The following SCARA5 variants were observed in gnomAD, a reference collection of about 807,000 sequenced individuals.
SCARA5 encodes scavenger receptor class A, member 5 (putative).
SCARA5 carries 45 observed loss-of-function variants against 46.3 expected under a neutral mutation model. The ratio of observed to expected loss-of-function variants is 0.97; its 90% CI spans 0.76 to 1.24. The LOEUF (loss-of-function observed/expected upper bound fraction) is 1.24, where lower values mean the gene tolerates loss of function less well. SCARA5 is among the 50% of genes most tolerant of loss of function. SCARA5 has a pLI of 0.00. For synonymous variants in SCARA5, 333 were observed against 306.5 expected, an observed-to-expected ratio of 1.09 and a Z score of -0.90; for missense variants, 680 against 689.0, an observed-to-expected ratio of 0.99 and a Z score of 0.15.
intron 3 of SCARA5, among the ~76,000 whole-genome samples, chr8:27,933,677 T>C (rs1271920023): frequency 1.2e-4 from 18 of 152,214 alleles, no homozygotes; most frequent in Admixed American, 1.2e-3. Context: ...AAAATGTCCA[T>C]GTTTTTTGAC....
In SCARA5 at chr8:27,911,799, C is replaced by T. The variant is rs149483942; in HGVS notation, c.917-2056G>A. Among the ~76,000 whole-genome samples, 140 of 152,288 alleles carry T rather than the reference C, an allele frequency of 9.2e-4. 2 individuals carry two copies. The East Asian group carries it at 0.022, about 24-fold the overall frequency. ...GTCTACCAGGAACCTCAGAATATGA[C>T]TTTATTTGGAAATAGTGTCTTTGCA... On this transcript the variant is annotated intron_variant, in intron 4 of 8. Transcript: ENST00000354914.
intron 7 of SCARA5, among the ~76,000 whole-genome samples, chr8:27,900,446 C>G (rs567147196): frequency 2.6e-5 from 4 of 152,322 alleles, no homozygotes; most frequent in South Asian, 4.1e-4. Context: ...CACAGCTCCC[C>G]TCGTCCCCAG....
chr8:27,949,587 C>T (rs1442459063), intron 3 of SCARA5, among the ~76,000 whole-genome samples: 1 of 152,214 alleles, frequency 6.6e-6, no homozygotes, highest in Non-Finnish European at 1.5e-5. Context: ...GCCACTGTTG[C>T]CGCATAACTC....
At chr8:27,896,897 G>A (rs1016404465) in intron 7 of SCARA5, among the ~76,000 whole-genome samples, 1 of 152,254 alleles carries the variant, frequency 6.6e-6, no homozygotes, top group East Asian at 1.9e-4. Flanking sequence ...TTCGAGACCA[G>A]CCTGACCAAC....
intron 8 of SCARA5, 62 bp from the exon 9 acceptor site, chr8:27,872,132 G>T: frequency 6.3e-7 from 1 of 1,575,394 alleles, no homozygotes; most frequent in Non-Finnish European, 8.7e-7. Flanking sequence ...GGAGAAGAGA[G>T]AGCATAACTG....
intron 1 of SCARA5, among the ~76,000 whole-genome samples, chr8:27,991,059 C>G (rs1446695459): frequency 6.6e-6 from 1 of 152,262 alleles, no homozygotes; most frequent in African/African-American, 2.4e-5. Flanking sequence ...CATCTGCGCC[C>G]TGCAGGCCTG....
chr8:27,871,934 TCA>T lies in SCARA5; in HGVS notation c.1486_1487del (p.Ter496LysfsTer58). On this transcript the variant is annotated frameshift_variant and stop_lost, in exon 9 of 9. Coordinates refer to ENST00000354914, the MANE Select transcript of SCARA5 (RefSeq NM_173833.6). LOFTEE classifies it high-confidence loss of function. The stretch of plus-strand genomic sequence containing the variant: ...CCCCGAACTTGGGCTCTGCCCACTT[TCA>T]GTGTCTGTTGCATGTCACGCTGGCA... ...EDASVTCNRH* is the reference protein window; with the variant it reads ...EDASVTCNRHX The T allele has an allele frequency of 6.2e-7, 1 of 1,614,134 alleles. No homozygotes were observed. Among genetic ancestry groups the T allele is most frequent in the Non-Finnish European group, 8.5e-7 (1 of 1,180,040 alleles).
intron 2 of SCARA5, among the ~76,000 whole-genome samples, chr8:27,977,540 G>A (rs4732795): frequency 0.02 from 3,039 of 152,216 alleles, 56 homozygotes; most frequent in Admixed American, 0.066. Context: ...TTCCCATGAG[G>A]ACTTTTCTTT....
chr8:27,963,782 G>A (rs1665194600), intron 3 of SCARA5, among the ~76,000 whole-genome samples: 1 of 152,100 alleles, frequency 6.6e-6, no homozygotes. Context: ...TTTCATACTG[G>A]GAAACAGTAA....
chr8:27,958,921 C>T (rs1313695692), intron 3 of SCARA5, among the ~76,000 whole-genome samples: 1 of 152,160 alleles, frequency 6.6e-6, no homozygotes, highest in Admixed American at 6.5e-5. Context: ...TCGTGTATCA[C>T]TATGAGTGTC....
intron 3 of SCARA5, among the ~76,000 whole-genome samples, chr8:27,936,986 C>T (rs556480221): frequency 3.0e-4 from 45 of 152,248 alleles, no homozygotes; most frequent in African/African-American, 9.6e-4. Context: ...AGAATATTCC[C>T]GGATTCCCAT....
At chr8:27,928,763 T>C (rs1447572845) in intron 3 of SCARA5, among the ~76,000 whole-genome samples, 1 of 152,038 alleles carries the variant, frequency 6.6e-6, no homozygotes, top group Non-Finnish European at 1.5e-5. Flanking sequence ...CCTCCTGGGT[T>C]CAAGCAATTC....
At chr8:27,949,798 C>A (rs1462043606) in intron 3 of SCARA5, among the ~76,000 whole-genome samples, 1 of 152,210 alleles carries the variant, frequency 6.6e-6, no homozygotes, top group East Asian at 1.9e-4. Flanking sequence ...TGCCCGGGTG[C>A]AGAAGGGGCC....
intron 3 of SCARA5, among the ~76,000 whole-genome samples, chr8:27,928,367 T>C (rs1807714976): frequency 6.6e-6 from 1 of 152,230 alleles, no homozygotes; most frequent in Non-Finnish European, 1.5e-5. Flanking sequence ...TAATACCAAG[T>C]GGCTTTCCCT....
intron 7 of SCARA5, among the ~76,000 whole-genome samples, chr8:27,899,260 G>A (rs551312223): frequency 1.3e-5 from 2 of 152,296 alleles, no homozygotes; most frequent in East Asian, 3.9e-4. Flanking sequence ...ATTGAATAGT[G>A]GGACACCCAG....
At chr8:27,988,248 C>T (rs899616954) in intron 1 of SCARA5, among the ~76,000 whole-genome samples, 1 of 152,168 alleles carries the variant, frequency 6.6e-6, no homozygotes, top group Non-Finnish European at 1.5e-5. Context: ...GCCCGAGGAG[C>T]AGGGAGCCTC....
In SCARA5 at chr8:27,983,870, CT is replaced by C. The variant is rs139722208; in HGVS notation, c.112+3633del. On this transcript the variant is annotated intron_variant, in intron 2 of 8. Coordinates refer to ENST00000354914, the MANE Select transcript of SCARA5 (RefSeq NM_173833.6). ...CTGTACTTTTGGGACTTTGCCTCCC[CT>C]GATCCCACTATCCCCATGGCCAGCC... is the stretch of plus-strand genomic sequence containing the variant. Among the ~76,000 whole-genome samples, 1,245 of 152,280 alleles carry C rather than the reference CT, an allele frequency of 8.2e-3. 23 individuals carry two copies. The highest frequency in any genetic ancestry group is 0.029 in the African/African-American group (1,184 of 41,534).
intron 3 of SCARA5, among the ~76,000 whole-genome samples, chr8:27,940,002 G>T (rs774889923): frequency 1.3e-5 from 2 of 152,210 alleles, no homozygotes; most frequent in Non-Finnish European, 2.9e-5. Flanking sequence ...ACAGTCCCAT[G>T]AGGCTGTAAT....
At chr8:27,923,537 CTTT>C (rs1807633431) in intron 3 of SCARA5, among the ~76,000 whole-genome samples, 1 of 152,110 alleles carries the variant, frequency 6.6e-6, no homozygotes, top group Admixed American at 6.6e-5. Context: ...TCTTCTACTT[CTTT>C]GTGTTGTTTG....
Sources: gnomAD v4.1 joint callset for allele counts (sites outside exome capture counted in the v4.1 genomes callset) on GRCh38, gnomAD v4.1.1 for gene constraint, MANE v1.5 for transcripts, NCBI Gene and HGNC (gene_info 2026-07-23, HGNC 2026-07-21) for gene names.